ADGRG1: variants seen among roughly 807,000 people sequenced by gnomAD.
ADGRG1 encodes the protein 7-transmembrane protein with no EGF-like N-terminal domains-1.
Under a neutral mutation model 73.5 loss-of-function variants are expected in ADGRG1, and 53 were observed. That is an observed-to-expected ratio of 0.72 (90% CI 0.58 to 0.91). The LOEUF (loss-of-function observed/expected upper bound fraction) is 0.91. Ranked by LOEUF, ADGRG1 falls within the 40% of genes least tolerant of loss-of-function variation. The pLI is 0.00. For synonymous variants in ADGRG1, 394 were observed against 374.4 expected (o/e 1.05, Z -0.60); for missense variants, 795 against 871.8 (o/e 0.91, Z 1.11).
At chr16:57,644,220 GCACTCATGCACACA>G (rs1299284994) in intron 1 of ADGRG1, 13 of 977,298 alleles carry the variant, frequency 1.3e-5, no homozygotes, top group South Asian at 4.8e-5. Context: ...ACGGGCACAC[GCACTCATGCACACA>G]CACTCATGCA....
chr16:57,652,367 G>C (rs575230885), intron 3 of ADGRG1, among the ~76,000 whole-genome samples: 1 of 152,242 alleles, frequency 6.6e-6, no homozygotes, highest in African/African-American at 2.4e-5. Flanking sequence ...AGGGCTTTCA[G>C]GGGTGGGGGG....
chr16:57,625,464 G>T (rs2035652989), upstream of ADGRG1: 2 of 491,212 alleles, frequency 4.1e-6, no homozygotes, highest in Non-Finnish European at 5.3e-6. Flanking sequence ...CCCTTTTCCT[G>T]GTCTCTTGGA....
chr16:57,644,149 C>G (rs1466992320), intron 1 of ADGRG1: 6 of 985,058 alleles, frequency 6.1e-6, no homozygotes, highest in Admixed American at 6.1e-5. Flanking sequence ...GTCTGTTCCT[C>G]TGAGGAGCTC....
chr16:57,642,303 AG>A, intron 1 of ADGRG1: 1 of 985,336 alleles, frequency 1.0e-6, no homozygotes, highest in Non-Finnish European at 1.2e-6. Flanking sequence ...CAGGCTCACC[AG>A]GGACCTCTTT....
In ADGRG1 at chr16:57,651,595, G is replaced by A; in HGVS notation, c.460G>A (p.Ala154Thr). ...WSPQNISLPSAASFTFSFHSP... is the reference protein window; with the variant it reads ...WSPQNISLPSTASFTFSFHSP... ...CCCTCAGAACATCAGCCTGCCCAGT[G>A]CCGCCAGCTTCACCTTCTCCTTCCA... is the stretch of plus-strand genomic sequence containing the variant. Residue 154 changes from alanine (A) to threonine (T), a missense_variant, in exon 3 of 14, where the codon GCC becomes ACC. Transcript: ENST00000562631. 2 of 1,613,942 alleles carry A rather than the reference G, an allele frequency of 1.2e-6. No homozygotes were observed. Among genetic ancestry groups the A allele is most frequent in the Non-Finnish European group, 1.7e-6 (2 of 1,180,028 alleles).
chr16:57,648,516 C>T (rs1215133421), intron 1 of ADGRG1: 1 of 967,524 alleles, frequency 1.0e-6, no homozygotes, highest in Non-Finnish European at 1.2e-6. Context: ...AACTGGCTCT[C>T]AGTCGAAGGG....
intron 1 of ADGRG1, among the ~76,000 whole-genome samples, chr16:57,644,780 G>T (rs1291710707): frequency 7.6e-6 from 1 of 132,126 alleles, no homozygotes; most frequent in Admixed American, 7.8e-5. Flanking sequence ...ACACACATAT[G>T]CACACTCATG....
intron 1 of ADGRG1, chr16:57,642,329 G>A: frequency 3.0e-6 from 3 of 985,390 alleles, no homozygotes; most frequent in Non-Finnish European, 3.6e-6. Context: ...GAAGTGTCAG[G>A]GATGATGATG....
At chr16:57,648,612 A>G in intron 1 of ADGRG1, 7 of 984,864 alleles carry the variant, frequency 7.1e-6, no homozygotes, top group Non-Finnish European at 8.4e-6. Context: ...GCTGCTCTCA[A>G]TGATTTGGTT....
At chr16:57,662,597 T>A (rs1359298560) in intron 13 of ADGRG1, among the ~76,000 whole-genome samples, 1 of 151,856 alleles carries the variant, frequency 6.6e-6, no homozygotes, top group Non-Finnish European at 1.5e-5. Context: ...GGAAGGAAGC[T>A]CCAGGCAGAG....
At chr16:57,660,134 C>T (rs565985432) in intron 11 of ADGRG1, 3 of 378,360 alleles carry the variant, frequency 7.9e-6, no homozygotes, top group Admixed American at 1.3e-4. Flanking sequence ...TTCAATTCAC[C>T]TGTGGCCAGC....
At chr16:57,656,645 C>A (rs1424417028) in intron 9 of ADGRG1, 28 bp downstream of exon 9, 1 of 1,336,734 alleles carries the variant, frequency 7.5e-7, no homozygotes, top group Admixed American at 1.7e-5. Context: ...CACCTCGCAG[C>A]CACACCCCAG....
At chr16:57,627,862 C>A, upstream of ADGRG1, 1 of 981,494 alleles carries the variant, frequency 1.0e-6, no homozygotes, top group Non-Finnish European at 1.2e-6. Context: ...GGGGATGGGG[C>A]ATGGTCCATT....
chr16:57,626,659 A>T, upstream of ADGRG1: 3 of 985,396 alleles, frequency 3.0e-6, no homozygotes, highest in Non-Finnish European at 3.6e-6. Flanking sequence ...CTGCAGAGAG[A>T]GTGGTGCCTT....
intron 1 of ADGRG1, 25 bp from the exon 2 acceptor site, chr16:57,650,228 A>C (rs1304466246): frequency 6.3e-7 from 1 of 1,581,174 alleles, no homozygotes; most frequent in East Asian, 2.2e-5. Flanking sequence ...CCACACTCCC[A>C]GCTAACACTC....
upstream of ADGRG1, chr16:57,626,725 G>C (rs1228920811): frequency 2.8e-5 from 28 of 985,192 alleles, no homozygotes; most frequent in Non-Finnish European, 3.3e-5. Flanking sequence ...TGTGTGTGGT[G>C]GTGGTGGTGG....
In ADGRG1 at chr16:57,655,756, G is replaced by T. The variant is rs141518683; in HGVS notation, c.901-120G>T. ...GGCAAAAGTGGTTCCAGAGGGAGAC[G>T]CAGCATCTCAAGGCAATGTGCTGGG... On this transcript the variant is annotated intron_variant, in intron 6 of 13. Coordinates refer to ENST00000562631, the MANE Select transcript of ADGRG1 (RefSeq NM_201525.4). 6.1e-4 allele frequency: 977 copies of T among 1,608,600 alleles called. 2 individuals carry two copies. Among genetic ancestry groups the T allele is most frequent in the Non-Finnish European group, 7.8e-4 (922 of 1,178,650 alleles).
At chr16:57,648,549 C>T in intron 1 of ADGRG1, 3 of 981,208 alleles carry the variant, frequency 3.1e-6, no homozygotes, top group Non-Finnish European at 3.6e-6. Context: ...TGAGGGAGGA[C>T]TGGCCCAGGA....
chr16:57,658,847 G>A, intron 10 of ADGRG1: 2 of 441,918 alleles, frequency 4.5e-6, no homozygotes, highest in Non-Finnish European at 6.0e-6. Flanking sequence ...GCTGAAGATG[G>A]TGCCATGAGT....
Sources: gnomAD v4.1 joint callset for allele counts (sites outside exome capture counted in the v4.1 genomes callset) on GRCh38, gnomAD v4.1.1 for gene constraint, MANE v1.5 for transcripts, NCBI Gene and HGNC (gene_info 2026-07-23, HGNC 2026-07-21) for gene names.